DENND1A: variants seen among roughly 807,000 people sequenced by gnomAD.
The protein encoded by DENND1A is DENN domain-containing protein 1A.
A neutral mutation model predicts 113.7 loss-of-function variants in DENND1A; 51 were observed. That is an observed-to-expected ratio of 0.45 (90% confidence interval 0.36 to 0.57). The LOEUF is 0.57. DENND1A is among the 20% of genes least tolerant of loss of function. The pLI, the probability that DENND1A is intolerant of heterozygous loss-of-function variation, is 0.00. For synonymous variants in DENND1A, 565 were observed against 570.8 expected (o/e 0.99, Z 0.14); for missense variants, 1,258 against 1,395.9 (o/e 0.90, Z 1.57).
intron 6 of DENND1A, 113 bp from the exon 7 acceptor site, chr9:123,671,484 G>A (rs557404822): frequency 1.2e-5 from 12 of 963,562 alleles, no homozygotes; most frequent in African/African-American, 8.2e-5. Flanking sequence ...GCTGGCCCCA[G>A]TACAGAAATA....
intron 5 of DENND1A, among the ~76,000 whole-genome samples, chr9:123,707,683 G>A (rs1409897435): frequency 6.6e-6 from 1 of 152,190 alleles, no homozygotes; most frequent in Non-Finnish European, 1.5e-5. Flanking sequence ...GAGGGGTGGT[G>A]GGAGTGGAAG....
intron 2 of DENND1A, among the ~76,000 whole-genome samples, chr9:123,868,174 T>C (rs1442809707): frequency 6.6e-6 from 1 of 152,204 alleles, no homozygotes; most frequent in Non-Finnish European, 1.5e-5. Flanking sequence ...ATTGATGTCA[T>C]TGACACGATC....
intron 5 of DENND1A, among the ~76,000 whole-genome samples, chr9:123,732,154 C>T (rs559351524): frequency 6.6e-5 from 10 of 152,304 alleles, no homozygotes; most frequent in East Asian, 3.9e-4. Flanking sequence ...GTTGAACATA[C>T]GCTTGGCAAC....
rs1186574308 is a variant in DENND1A at position 123,380,297 on chromosome 9, A to G, written c.*1135T>C. 2 of 152,554 alleles carry G rather than the reference A, an allele frequency of 1.3e-5. No individual in the cohort carries two copies. Among genetic ancestry groups the G allele is most frequent in the South Asian group, 2.1e-4 (1 of 4,836 alleles). The allele number at this position is 152,554 out of a possible 1,614,324, so 9.5% of individuals were successfully genotyped here. A position where few individuals can be genotyped will look rare whatever the true frequency, so the allele number is the denominator to read the frequency against. ...TCATCAAATCAATAAGGTAAAAAGGAAAAAGAAAGATAATAAACATTCAAT... is the reference window on the plus strand; with the variant it reads ...TCATCAAATCAATAAGGTAAAAAGGGAAAAGAAAGATAATAAACATTCAAT... On this transcript the variant is annotated 3_prime_UTR_variant, in exon 24 of 24. Coordinates refer to ENST00000394215, the MANE Select transcript of DENND1A (RefSeq NM_001352964.2).
At chr9:123,535,182 T>C (rs142194322) in intron 13 of DENND1A, among the ~76,000 whole-genome samples, 161 of 152,286 alleles carry the variant, frequency 1.1e-3, no homozygotes, top group Non-Finnish European at 2.0e-3. Context: ...CTACAGCCCT[T>C]TTCCCACACA....
chr9:123,874,486 T>C (rs1847140640), intron 2 of DENND1A, among the ~76,000 whole-genome samples: 1 of 152,156 alleles, frequency 6.6e-6, no homozygotes, highest in South Asian at 2.1e-4. Flanking sequence ...AATAAGCCTA[T>C]ACCAGCTACT....
chr9:123,868,513 G>A (rs532723135), intron 2 of DENND1A, among the ~76,000 whole-genome samples: 2 of 152,342 alleles, frequency 1.3e-5, no homozygotes, highest in African/African-American at 4.8e-5. Context: ...TACTATTAGT[G>A]CCCCATTTTA....
intron 13 of DENND1A, among the ~76,000 whole-genome samples, chr9:123,504,484 G>A (rs955812951): frequency 6.6e-6 from 1 of 152,204 alleles, no homozygotes; most frequent in Non-Finnish European, 1.5e-5. Context: ...ATGACAGAGT[G>A]TTTTTAAGTC....
At chr9:123,852,972 G>A (rs1843602086) in intron 2 of DENND1A, among the ~76,000 whole-genome samples, 1 of 151,024 alleles carries the variant, frequency 6.6e-6, no homozygotes, top group African/African-American at 2.4e-5. Flanking sequence ...AGGCTAGAAT[G>A]CAGTGGCATA....
chr9:123,447,494 C>T (rs1489473425), intron 18 of DENND1A, among the ~76,000 whole-genome samples: 1 of 152,168 alleles, frequency 6.6e-6, no homozygotes, highest in Admixed American at 6.5e-5. Flanking sequence ...ACCCTCCATA[C>T]ATCATGGTGA....
chr9:123,517,757 A>G (rs1358973102), intron 13 of DENND1A, among the ~76,000 whole-genome samples: 2 of 138,052 alleles, frequency 1.4e-5, no homozygotes, highest in Non-Finnish European at 3.2e-5. Flanking sequence ...TTTACACACA[A>G]TATCTCATAG....
At chr9:123,447,042 A>T (rs1358801162) in intron 18 of DENND1A, among the ~76,000 whole-genome samples, 2 of 152,222 alleles carry the variant, frequency 1.3e-5, no homozygotes, top group African/African-American at 4.8e-5. Flanking sequence ...GGGCATTCTC[A>T]TGCCAGCCCT....
At chr9:123,482,889 TCCAA>T (rs997232982) in intron 13 of DENND1A, among the ~76,000 whole-genome samples, 1 of 152,078 alleles carries the variant, frequency 6.6e-6, no homozygotes, top group African/African-American at 2.4e-5. Context: ...GGGGAGGGGC[TCCAA>T]CCAAGCCTGG....
intron 18 of DENND1A, among the ~76,000 whole-genome samples, chr9:123,447,378 G>A (rs2047381837): frequency 6.6e-6 from 1 of 152,120 alleles, no homozygotes; most frequent in African/African-American, 2.4e-5. Flanking sequence ...ATTTGCCAAT[G>A]GTCACACAGA....
chr9:123,393,290 C>G (rs1448065997), intron 21 of DENND1A, among the ~76,000 whole-genome samples: 1 of 152,130 alleles, frequency 6.6e-6, no homozygotes, highest in Non-Finnish European at 1.5e-5. Context: ...AGGGTCTTTC[C>G]TAGGTGTTCA....
rs1589678553 is a variant in DENND1A, at chr9:123,689,983, T to G, written c.303-13194A>C. On this transcript the variant is annotated intron_variant, in intron 5 of 23. Transcript: ENST00000394215. ...CAGCCTGAGTGACACAGCAAGAGTC[T>G]GTACCAAAAAAGAAAAGGGAAAGGG... 1.4e-5 allele frequency among the ~76,000 whole-genome samples: 2 copies of G among 144,818 alleles called. 1 individual carries two copies. Among genetic ancestry groups the G allele is most frequent in the South Asian group, 4.4e-4 (2 of 4,594 alleles).
chr9:123,811,773 A>T (rs1447159265), intron 2 of DENND1A, among the ~76,000 whole-genome samples: 1 of 152,216 alleles, frequency 6.6e-6, no homozygotes, highest in Non-Finnish European at 1.5e-5. Flanking sequence ...ATAAAAATAA[A>T]AAAGGTTTGT....
intron 10 of DENND1A, among the ~76,000 whole-genome samples, chr9:123,621,567 T>C (rs1027380505): frequency 9.9e-5 from 15 of 152,182 alleles, no homozygotes; most frequent in Admixed American, 9.2e-4. Flanking sequence ...AACACAAAGA[T>C]AGTATTTACT....
At chr9:123,447,654 A>C (rs747618384) in intron 18 of DENND1A, among the ~76,000 whole-genome samples, 12 of 152,326 alleles carry the variant, frequency 7.9e-5, no homozygotes, top group Non-Finnish European at 1.6e-4. Context: ...AGCACATTTG[A>C]AAATTGGATC....
Sources: gnomAD v4.1 joint callset for allele counts (sites outside exome capture counted in the v4.1 genomes callset) on GRCh38, gnomAD v4.1.1 for gene constraint, MANE v1.5 for transcripts, NCBI Gene and HGNC (gene_info 2026-07-23, HGNC 2026-07-21) for gene names.